The following MECOM variants were observed in gnomAD, a reference collection of about 807,000 sequenced individuals.
MECOM encodes histone-lysine N-methyltransferase MECOM.
Under a neutral mutation model 116.3 loss-of-function variants are expected in MECOM, and 13 were observed. That is an observed-to-expected ratio of 0.11 (90% CI 0.07 to 0.18). The LOEUF (loss-of-function observed/expected upper bound fraction) is 0.18. Ranked by LOEUF, MECOM falls within the 10% of genes least tolerant of loss-of-function variation. The pLI is 1.00. For missense variants in MECOM, 1,299 were observed against 1,509.0 expected (o/e 0.86, Z 2.31); for synonymous variants, 528 against 535.2 (o/e 0.99, Z 0.19).
At chr3:169,459,106 G>A (rs1006304643) in intron 1 of MECOM, among the ~76,000 whole-genome samples, 6 of 152,164 alleles carry the variant, frequency 3.9e-5, no homozygotes, top group African/African-American at 1.2e-4. Flanking sequence ...ATGTGCTTGG[G>A]AAATCCAAGT....
intron 1 of MECOM, among the ~76,000 whole-genome samples, chr3:169,513,831 A>G (rs1033194652): frequency 6.6e-6 from 1 of 152,204 alleles, no homozygotes; most frequent in Non-Finnish European, 1.5e-5. Context: ...AATAATTGAG[A>G]GCTTTAAAAA....
At chr3:169,594,178 A>AAAAAACCAAAAAACACCTT (rs1553894686) in intron 1 of MECOM, among the ~76,000 whole-genome samples, 1 of 138,598 alleles carries the variant, frequency 7.2e-6, no homozygotes, top group Non-Finnish European at 1.6e-5. Context: ...AAAAAAAAAC[A>AAAAAACCAAAAAACACCTT]CCTTTTCACC....
chr3:169,350,566 A>G (rs1252199041), intron 2 of MECOM, among the ~76,000 whole-genome samples: 1 of 152,030 alleles, frequency 6.6e-6, no homozygotes, highest in African/African-American at 2.4e-5. Context: ...AGTGTGAAAT[A>G]CATACCAGAT....
chr3:169,191,720 AAAAGAAAGAAAGAAAGAAAGAG>A (rs1477642009), intron 2 of MECOM, among the ~76,000 whole-genome samples: 6 of 48,076 alleles, frequency 1.2e-4, no homozygotes, highest in Non-Finnish European at 2.3e-4. Flanking sequence ...AAGAAAGAAA[AAAAGAAAGAAAGAAAGAAAGAG>A]AAAGAAAGAA....
At chr3:169,347,281 T>A (rs999694531) in intron 2 of MECOM, among the ~76,000 whole-genome samples, 1 of 152,036 alleles carries the variant, frequency 6.6e-6, no homozygotes, top group African/African-American at 2.4e-5. Flanking sequence ...GTTAATTAAA[T>A]AAATATTTAA....
At chr3:169,601,339 A>T (rs1767807956) in intron 1 of MECOM, among the ~76,000 whole-genome samples, 1 of 152,228 alleles carries the variant, frequency 6.6e-6, no homozygotes. Flanking sequence ...GGTTCTGCCG[A>T]ATATGAAAAC....
At chr3:169,576,523 C>T (rs1369097294) in intron 1 of MECOM, among the ~76,000 whole-genome samples, 2 of 152,166 alleles carry the variant, frequency 1.3e-5, no homozygotes, top group East Asian at 1.9e-4. Context: ...TACAATTAAA[C>T]ATGGCCTTCC....
Position 169,463,123 on chromosome 3 carries a change from A to C in MECOM, c.38-81599T>G, listed in dbSNP as rs549064580. Among the ~76,000 whole-genome samples, 22 of 152,328 alleles carry C rather than the reference A, an allele frequency of 1.4e-4. No individual in the cohort carries two copies. In the East Asian group the frequency reaches 3.5e-3, roughly 24 times the overall value. On this transcript the variant is annotated intron_variant, in intron 1 of 16. Transcript: ENST00000651503. ...CACATTTATATGTCTGTGAGCATAC[A>C]AAATAACACACACATGTAATTTTAC...
At position 169,095,139 on chromosome 3, in the gene MECOM, A is replaced by G. The variant is rs1358801224; in HGVS notation, c.2956T>C (p.Cys986Arg). The G allele has an allele frequency of 7.4e-6, 12 of 1,613,442 alleles. No homozygotes were observed. The highest frequency in any genetic ancestry group is 1.1e-5 in the South Asian group (1 of 90,948). ...TCTAAATTGGTTTGTTGACCAAAAC[A>G]CCTATCACATAAGTGACACTTAAAT... ...KPFKCHLCDR[C>R]FGQQTNLDRH... The change falls in exon 13 of 17, where the codon TGT (cysteine) becomes CGT (arginine). Residue 986 changes from cysteine (C) to arginine (R), a missense_variant. By Grantham distance (180) the Cys-to-Arg change is radical. This residue lies in a region of MECOM where 32 missense variants were observed against 96.7 expected (regional missense o/e 0.33). Transcript: ENST00000651503.
intron 1 of MECOM, among the ~76,000 whole-genome samples, chr3:169,606,935 G>A (rs1380490445): frequency 6.6e-6 from 1 of 152,194 alleles, no homozygotes; most frequent in Non-Finnish European, 1.5e-5. Context: ...TAGAAATGTA[G>A]CCTATAACTG....
At chr3:169,574,761 C>T (rs1317234593) in intron 1 of MECOM, among the ~76,000 whole-genome samples, 1 of 151,940 alleles carries the variant, frequency 6.6e-6, no homozygotes, top group Non-Finnish European at 1.5e-5. Context: ...GAGGTTAAGT[C>T]CTAACCTTGA....
chr3:169,616,147 A>G (rs1453220854), intron 1 of MECOM, among the ~76,000 whole-genome samples: 1 of 152,166 alleles, frequency 6.6e-6, no homozygotes, highest in East Asian at 1.9e-4. Context: ...ACAATGCCCA[A>G]AGCATGCTGC....
chr3:169,246,659 C>T (rs569137792), intron 2 of MECOM, among the ~76,000 whole-genome samples: 2 of 151,824 alleles, frequency 1.3e-5, no homozygotes, highest in South Asian at 2.1e-4. Context: ...GTAGCTGGCA[C>T]TACAGGCGCG....
At chr3:169,575,583 G>A (rs1425202330) in intron 1 of MECOM, among the ~76,000 whole-genome samples, 1 of 152,172 alleles carries the variant, frequency 6.6e-6, no homozygotes, top group African/African-American at 2.4e-5. Flanking sequence ...GCCTTGTCCT[G>A]CTTTTATCTT....
intron 2 of MECOM, among the ~76,000 whole-genome samples, chr3:169,166,226 T>C (rs73170010): frequency 1.7e-3 from 252 of 152,264 alleles, no homozygotes; most frequent in Middle Eastern, 3.4e-3. Context: ...ATTTATTGTG[T>C]GGTGGCTGTA....
Position 169,207,850 on chromosome 3 carries a change from C to T in MECOM, c.376-64018G>A, listed in dbSNP as rs1281844715. On this transcript the variant is annotated intron_variant, in intron 2 of 16. Coordinates refer to ENST00000651503, the MANE Select transcript of MECOM (RefSeq NM_004991.4). Reference sequence around the variant, plus strand: ...GATGATTTTAACCAATATTGGCAGTCCCTTAGAAACTTAGAAGCAGCTCTT... The same window carrying T: ...GATGATTTTAACCAATATTGGCAGTTCCTTAGAAACTTAGAAGCAGCTCTT... Among the ~76,000 whole-genome samples, 7 of 152,078 alleles carry T rather than the reference C, an allele frequency of 4.6e-5. No homozygotes were observed. The East Asian group carries it at 1.3e-3, about 29-fold the overall frequency.
At chr3:169,499,949 T>A (rs1754333188) in intron 1 of MECOM, among the ~76,000 whole-genome samples, 1 of 152,084 alleles carries the variant, frequency 6.6e-6, no homozygotes, top group Admixed American at 6.6e-5. Flanking sequence ...GCCCTCACTA[T>A]CTATCTCCAG....
intron 10 of MECOM, among the ~76,000 whole-genome samples, chr3:169,103,618 C>T (rs1467554680): frequency 6.6e-6 from 1 of 152,146 alleles, no homozygotes; most frequent in Non-Finnish European, 1.5e-5. Context: ...AAGAAACTAT[C>T]CTTTTGCTAA....
chr3:169,404,222 A>C (rs1392950728), intron 1 of MECOM, among the ~76,000 whole-genome samples: 1 of 152,160 alleles, frequency 6.6e-6, no homozygotes, highest in Non-Finnish European at 1.5e-5. Context: ...AGTTTGAAAA[A>C]AGTTGCTAAG....
Sources: allele counts gnomAD v4.1 joint callset (sites outside exome capture counted in the v4.1 genomes callset), GRCh38; gene constraint gnomAD v4.1.1; regional missense constraint gnomAD v4.1.1; transcripts MANE v1.5; gene names NCBI Gene and HGNC (gene_info 2026-07-23, HGNC 2026-07-21).